Variants in ROBO2 observed in about 807,000 individuals in gnomAD.
The protein encoded by ROBO2 is roundabout guidance receptor 2.
A neutral mutation model predicts 160.8 loss-of-function variants in ROBO2; 53 were observed. That is an observed-to-expected ratio of 0.33 (90% CI 0.26 to 0.41). The LOEUF (loss-of-function observed/expected upper bound fraction) is 0.41, where lower values mean the gene tolerates loss of function less well. Among genes scored for constraint, ROBO2 ranks in the 10% least tolerant of loss-of-function variants. The probability of loss-of-function intolerance (pLI) is 1.00; values close to 1 mark genes in which losing one functional copy is unlikely to be tolerated. For missense variants in ROBO2, 1,577 were observed against 1,722.4 expected (o/e 0.92, Z 1.49); for synonymous variants, 664 against 611.7 (o/e 1.09, Z -1.26).
intron 2 of ROBO2, among the ~76,000 whole-genome samples, chr3:76,121,744 A>G (rs952634421): frequency 6.6e-6 from 1 of 152,178 alleles, no homozygotes; most frequent in African/African-American, 2.4e-5. Flanking sequence ...ACTGAAAGCC[A>G]TACTTCGCTC....
rs1309431777 is a variant in ROBO2, at chr3:77,565,111, C to T, written c.1840C>T (p.Arg614Cys). The stretch of plus-strand genomic sequence containing the variant: ...CCCAAGTCCCATGTCAGATCCTGTG[C>T]GCACACAAGGTACTTTCAACAGCTG... The change falls in exon 12 of 26, where the codon CGC (arginine) becomes TGC (cysteine). Residue 614 changes from arginine (R) to cysteine (C), a missense_variant. Arg to Cys is a radical substitution (Grantham distance 180, BLOSUM62 -3). Coordinates refer to ENST00000461745, the Ensembl canonical transcript of ROBO2. The T allele has an allele frequency of 3.7e-6, 6 of 1,613,494 alleles. No homozygotes were observed. The highest frequency in any genetic ancestry group is 3.3e-5 in the South Asian group (3 of 91,074).
chr3:76,339,915 CCTGT>C (rs1205702573), intron 2 of ROBO2, among the ~76,000 whole-genome samples: 1 of 151,834 alleles, frequency 6.6e-6, no homozygotes, highest in Admixed American at 6.6e-5. Context: ...TCCATAAGTG[CCTGT>C]CTTACTACAT....
intron 2 of ROBO2, among the ~76,000 whole-genome samples, chr3:76,879,941 G>A (rs943975246): frequency 6.6e-6 from 1 of 151,986 alleles, no homozygotes; most frequent in Non-Finnish European, 1.5e-5. Context: ...AAATGCATTG[G>A]GTTTCTGATG....
intron 2 of ROBO2, among the ~76,000 whole-genome samples, chr3:77,397,671 G>A (rs1314796790): frequency 6.6e-6 from 1 of 152,074 alleles, no homozygotes; most frequent in Non-Finnish European, 1.5e-5. Context: ...CTGTAAATAA[G>A]TGCCTATAAA....
chr3:77,521,660 G>A (rs1188240497), intron 5 of ROBO2, among the ~76,000 whole-genome samples: 1 of 151,088 alleles, frequency 6.6e-6, no homozygotes, highest in Non-Finnish European at 1.5e-5. Flanking sequence ...TGGCATGATT[G>A]GTAAATAGAC....
Position 76,630,971 on chromosome 3 carries a change from G to T in ROBO2, c.110-467043G>T, listed in dbSNP as rs984999542. 8.5e-5 allele frequency among the ~76,000 whole-genome samples: 13 copies of T among 152,254 alleles called. No individual in the cohort carries two copies. In the East Asian group the frequency reaches 2.5e-3, roughly 29 times the overall value. On this transcript the variant is annotated intron_variant, in intron 2 of 26. Coordinates refer to the ROBO2 transcript ENST00000487694. ...TCTAAATTCACATCCTGAATTTAAA[G>T]TCAGAAAGTAACCATCCAGAGTGCA...
chr3:77,375,370 A>G (rs2153480363), intron 2 of ROBO2, among the ~76,000 whole-genome samples: 1 of 152,332 alleles, frequency 6.6e-6, no homozygotes, highest in Middle Eastern at 3.4e-3. Context: ...CACAGAAATA[A>G]AGACAGAACA....
At chr3:76,506,957 T>C (rs1035144921) in intron 2 of ROBO2, among the ~76,000 whole-genome samples, 6 of 152,224 alleles carry the variant, frequency 3.9e-5, no homozygotes, top group Non-Finnish European at 7.3e-5. Context: ...AAAGTTATGA[T>C]GTTAAGTTTA....
chr3:76,494,416 T>G (rs1471015851), intron 2 of ROBO2, among the ~76,000 whole-genome samples: 1 of 152,188 alleles, frequency 6.6e-6, no homozygotes, highest in African/African-American at 2.4e-5. Flanking sequence ...TACATACTTT[T>G]ATACTCCATT....
chr3:76,647,296 T>C (rs1415066477), intron 2 of ROBO2, among the ~76,000 whole-genome samples: 1 of 152,172 alleles, frequency 6.6e-6, no homozygotes, highest in Admixed American at 6.5e-5. Flanking sequence ...GTGGTTCAAA[T>C]GAAGAAGTTC....
chr3:76,062,868 G>A (rs2068114359), intron 2 of ROBO2, among the ~76,000 whole-genome samples: 1 of 152,078 alleles, frequency 6.6e-6, no homozygotes, highest in African/African-American at 2.4e-5. Flanking sequence ...AAAGCATTTG[G>A]GGAGATTTCA....
intron 2 of ROBO2, among the ~76,000 whole-genome samples, chr3:76,462,822 A>G (rs2078159260): frequency 6.6e-6 from 1 of 152,170 alleles, no homozygotes; most frequent in Non-Finnish European, 1.5e-5. Context: ...TCACTGGTTA[A>G]ATTTTCTTCT....
chr3:77,281,971 C>T (rs766084584), intron 2 of ROBO2, among the ~76,000 whole-genome samples: 4 of 152,266 alleles, frequency 2.6e-5, no homozygotes, highest in Middle Eastern at 3.4e-3. Context: ...CCTACCAGGC[C>T]ACAGACCAGT....
intron 2 of ROBO2, among the ~76,000 whole-genome samples, chr3:76,545,359 G>T (rs2083038029): frequency 6.6e-6 from 1 of 151,920 alleles, no homozygotes; most frequent in South Asian, 2.1e-4. Flanking sequence ...CATACCTACT[G>T]TCGGTTAAGT....
chr3:76,266,049 ATG>A (rs976037249), intron 2 of ROBO2, among the ~76,000 whole-genome samples: 127 of 151,846 alleles, frequency 8.4e-4, no homozygotes, highest in African/African-American at 2.9e-3. Context: ...AAAGGATAAA[ATG>A]TGAAGGAAAT....
At chr3:77,144,610 C>G (rs900429770) in intron 2 of ROBO2, among the ~76,000 whole-genome samples, 6 of 152,136 alleles carry the variant, frequency 3.9e-5, no homozygotes, top group African/African-American at 1.4e-4. Context: ...TTGTAAACTT[C>G]AAATAAAATA....
At chr3:77,209,570 C>G (rs1039934713) in intron 2 of ROBO2, among the ~76,000 whole-genome samples, 4 of 152,072 alleles carry the variant, frequency 2.6e-5, no homozygotes, top group African/African-American at 9.7e-5. Flanking sequence ...AACCAGTGGG[C>G]CGATTATAAC....
At chr3:77,006,985 C>G (rs2061614084) in intron 2 of ROBO2, among the ~76,000 whole-genome samples, 1 of 152,034 alleles carries the variant, frequency 6.6e-6, no homozygotes, top group Non-Finnish European at 1.5e-5. Flanking sequence ...TCTGTTAAAA[C>G]TTTAAAGCCA....
chr3:76,642,341 CTTTTTTTTTTTTT>C lies in ROBO2; in HGVS notation c.110-455656_110-455644del, dbSNP rs71104611. Among the ~76,000 whole-genome samples, 61 of 62,218 alleles carry C rather than the reference CTTTTTTTTTTTTT, an allele frequency of 9.8e-4. 2 individuals carry two copies. The East Asian group carries it at 0.018, about 19-fold the overall frequency. The allele number at this position is 62,218 out of a possible 152,430, so 40.8% of individuals were successfully genotyped here. ...GCTAATTCAGAAATATTTACACTTG[CTTTTTTTTTTTTT>C]TTTTTTTTTTTTTTTTGAGACGGAG... On this transcript the variant is annotated intron_variant, in intron 2 of 26. Transcript: ENST00000487694.
Sources: allele counts gnomAD v4.1 joint callset (sites outside exome capture counted in the v4.1 genomes callset), GRCh38; gene constraint gnomAD v4.1.1; transcripts MANE v1.5; gene names NCBI Gene and HGNC (gene_info 2026-07-23, HGNC 2026-07-21).